The following LAMA2 variants were observed in gnomAD, a reference collection of about 807,000 sequenced individuals.
LAMA2 encodes laminin subunit alpha-2.
LAMA2 carries 269 observed loss-of-function variants against 364.8 expected under a neutral mutation model. The ratio of observed to expected loss-of-function variants is 0.74; its 90% CI spans 0.67 to 0.82. The LOEUF (loss-of-function observed/expected upper bound fraction) is 0.82, where lower values mean the gene tolerates loss of function less well. Ranked by LOEUF, LAMA2 falls within the 40% of genes least tolerant of loss-of-function variation. The probability of loss-of-function intolerance (pLI) is 0.00; values close to 1 mark genes in which losing one functional copy is unlikely to be tolerated. For synonymous variants in LAMA2, 1,379 were observed against 1,370.6 expected (o/e 1.01, Z -0.14); for missense variants, 3,807 against 3,873.2 (o/e 0.98, Z 0.45).
intron 12 of LAMA2, among the ~76,000 whole-genome samples, chr6:129,230,330 C>T (rs548095849): frequency 6.6e-6 from 1 of 152,034 alleles, no homozygotes; most frequent in South Asian, 2.1e-4. Context: ...CGACCAATGA[C>T]CTTGAGAAGA....
chr6:129,432,423 CA>C (rs1183758219), intron 41 of LAMA2, among the ~76,000 whole-genome samples: 1 of 152,148 alleles, frequency 6.6e-6, no homozygotes, highest in African/African-American at 2.4e-5. Context: ...GGACAAGAAA[CA>C]AACATTCAGA....
chr6:129,005,699 T>C (rs1287769279), intron 1 of LAMA2, among the ~76,000 whole-genome samples: 1 of 150,966 alleles, frequency 6.6e-6, no homozygotes, highest in Admixed American at 6.6e-5. Flanking sequence ...CCGTCTCTAC[T>C]TGGGGGAAAA....
intron 8 of LAMA2, among the ~76,000 whole-genome samples, chr6:129,164,319 A>T (rs1388513193): frequency 1.3e-5 from 2 of 152,236 alleles, no homozygotes; most frequent in East Asian, 1.9e-4. Flanking sequence ...TCAAAATGAC[A>T]TGCAAATTAA....
chr6:129,432,475 G>A (rs1257433206), intron 41 of LAMA2, among the ~76,000 whole-genome samples: 1 of 152,182 alleles, frequency 6.6e-6, no homozygotes, highest in African/African-American at 2.4e-5. Flanking sequence ...AAAGGCCTGT[G>A]CAATAAAAAT....
chr6:129,192,909 G>A, intron 12 of LAMA2, 56 bp downstream of exon 12: 1 of 1,496,744 alleles, frequency 6.7e-7, no homozygotes, highest in Non-Finnish European at 9.2e-7. Flanking sequence ...CGTGAGAATG[G>A]GTTTTAGTTG....
At chr6:129,452,245 A>T (rs922059406) in intron 45 of LAMA2, among the ~76,000 whole-genome samples, 2 of 152,222 alleles carry the variant, frequency 1.3e-5, no homozygotes, top group African/African-American at 4.8e-5. Flanking sequence ...CTCTAAATAT[A>T]AGTAAAAATT....
At chr6:129,453,267 C>T (rs1431143057) in intron 46 of LAMA2, 136 bp downstream of exon 46, 17 of 787,776 alleles carry the variant, frequency 2.2e-5, no homozygotes, top group East Asian at 1.3e-4. Context: ...AAAACCTCAA[C>T]GTCTTACCTT....
chr6:129,245,390 A>G (rs968316329), intron 12 of LAMA2, among the ~76,000 whole-genome samples: 6 of 152,276 alleles, frequency 3.9e-5, no homozygotes, highest in Admixed American at 3.9e-4. Flanking sequence ...TAGTTCCTAA[A>G]TAGCAGGAGA....
chr6:129,012,219 A>G (rs2114697167), intron 1 of LAMA2, among the ~76,000 whole-genome samples: 2 of 152,276 alleles, frequency 1.3e-5, no homozygotes, highest in Middle Eastern at 6.8e-3. Flanking sequence ...CTTCAGCTAT[A>G]TTTTGTACTT....
At chr6:129,401,157 TC>T in intron 37 of LAMA2, 66 bp from the exon 38 acceptor site, 1 of 979,408 alleles carries the variant, frequency 1.0e-6, no homozygotes, top group South Asian at 1.3e-5. Context: ...CTCAGGAAAG[TC>T]AGGAATACAA....
chr6:128,967,723 C>T (rs1298103643), intron 1 of LAMA2, among the ~76,000 whole-genome samples: 4 of 152,164 alleles, frequency 2.6e-5, no homozygotes, highest in Non-Finnish European at 5.9e-5. Context: ...GGACTCCATT[C>T]TCACCCTAGG....
intron 1 of LAMA2, among the ~76,000 whole-genome samples, chr6:129,028,328 A>G (rs1785977250): frequency 8.7e-6 from 1 of 115,406 alleles, no homozygotes; most frequent in South Asian, 3.1e-4. Context: ...TTCATTAAAT[A>G]TGTCTTCAGT....
chr6:129,485,014 T>C (rs1457660685), intron 55 of LAMA2, among the ~76,000 whole-genome samples: 1 of 152,224 alleles, frequency 6.6e-6, no homozygotes, highest in Non-Finnish European at 1.5e-5. Flanking sequence ...AAAAGTGTTA[T>C]TTTATTTCAT....
chr6:129,462,410 C>G (rs371735801), intron 49 of LAMA2, among the ~76,000 whole-genome samples: 7 of 151,920 alleles, frequency 4.6e-5, no homozygotes, highest in Non-Finnish European at 1.0e-4. Context: ...CACTCTATCT[C>G]GGAAATGTTC....
At chr6:129,189,402 T>C (rs1420317607) in intron 10 of LAMA2, among the ~76,000 whole-genome samples, 1 of 152,130 alleles carries the variant, frequency 6.6e-6, no homozygotes, top group African/African-American at 2.4e-5. Flanking sequence ...TGAGAGATTA[T>C]ATCCTTCCCT....
At chr6:129,361,591 G>A (rs1777463536) in intron 32 of LAMA2, among the ~76,000 whole-genome samples, 1 of 152,116 alleles carries the variant, frequency 6.6e-6, no homozygotes, top group South Asian at 2.1e-4. Flanking sequence ...CTTCCTCAAG[G>A]AGGCTAACCT....
intron 1 of LAMA2, among the ~76,000 whole-genome samples, chr6:128,917,932 T>G (rs1778450109): frequency 6.6e-6 from 1 of 151,786 alleles, no homozygotes; most frequent in South Asian, 2.1e-4. Flanking sequence ...GATGGTACTT[T>G]GCCATGTTGC....
chr6:129,226,696 G>A (rs1439387853), intron 12 of LAMA2, among the ~76,000 whole-genome samples: 2 of 152,170 alleles, frequency 1.3e-5, no homozygotes, highest in East Asian at 3.9e-4. Context: ...TCTGCCGAGC[G>A]ATCTGCTGTT....
chr6:129,469,922 G>A (rs1275422155), intron 51 of LAMA2, among the ~76,000 whole-genome samples: 3 of 151,764 alleles, frequency 2.0e-5, no homozygotes, highest in Admixed American at 6.6e-5. Context: ...GAAAGCAGAC[G>A]GATGCTACTT....
Sources: gnomAD v4.1 joint callset for allele counts (sites outside exome capture counted in the v4.1 genomes callset) on GRCh38, gnomAD v4.1.1 for gene constraint, MANE v1.5 for transcripts, NCBI Gene and HGNC (gene_info 2026-07-23, HGNC 2026-07-21) for gene names.